SULF1: variants seen among roughly 807,000 people sequenced by gnomAD.
The protein encoded by SULF1 is extracellular sulfatase Sulf-1.
In SULF1, 46 loss-of-function variants were observed where a neutral mutation model predicts 110.5. That is an observed-to-expected ratio of 0.42 (90% CI 0.33 to 0.53). The LOEUF (loss-of-function observed/expected upper bound fraction) is 0.53. Among genes scored for constraint, SULF1 ranks in the 20% least tolerant of loss-of-function variants. The pLI is 0.12. For synonymous variants in SULF1, 371 were observed against 387.1 expected, an observed-to-expected ratio of 0.96 and a Z score of 0.49; for missense variants, 941 against 1,094.2, an observed-to-expected ratio of 0.86 and a Z score of 1.98.
chr8:69,604,962 C>A (rs1488332398), intron 13 of SULF1, 30 bp downstream of exon 13: 4 of 1,607,300 alleles, frequency 2.5e-6, no homozygotes. Flanking sequence ...TTTACCACCA[C>A]TCATGTGCTT....
chr8:69,496,765 T>A (rs998778992), intron 2 of SULF1, among the ~76,000 whole-genome samples: 2 of 152,226 alleles, frequency 1.3e-5, no homozygotes, highest in African/African-American at 4.8e-5. Flanking sequence ...ACATAATGAT[T>A]TACTCCCAAC....
At chr8:69,601,877 G>A in intron 10 of SULF1, 48 bp downstream of exon 10, 1 of 1,527,754 alleles carries the variant, frequency 6.5e-7, no homozygotes, top group South Asian at 1.3e-5. Flanking sequence ...CCTCAAGTGT[G>A]TCTAAGATAA....
intron 2 of SULF1, 135 bp from the exon 3 acceptor site, chr8:69,501,739 C>T (rs1197508854): frequency 1.3e-5 from 2 of 152,152 alleles, no homozygotes; most frequent in Non-Finnish European, 2.9e-5. Context: ...GTAAGAAAAT[C>T]GGTCTGGATG....
chr8:69,535,763 G>T (rs770429533), intron 3 of SULF1, among the ~76,000 whole-genome samples: 3 of 152,102 alleles, frequency 2.0e-5, no homozygotes, highest in Non-Finnish European at 2.9e-5. Context: ...CGGGTGAGAT[G>T]GTTCACGCCT....
chr8:69,500,194 A>T (rs966711427), intron 2 of SULF1, among the ~76,000 whole-genome samples: 1 of 152,240 alleles, frequency 6.6e-6, no homozygotes, highest in African/African-American at 2.4e-5. Flanking sequence ...AAAAAAAATC[A>T]GTCCAAGTAA....
At chr8:69,592,704 A>G (rs952680273) in intron 8 of SULF1, among the ~76,000 whole-genome samples, 1 of 152,256 alleles carries the variant, frequency 6.6e-6, no homozygotes, top group Non-Finnish European at 1.5e-5. Context: ...GCCACTTCAT[A>G]AGTGTCAATT....
chr8:69,526,444 A>AAT (rs1812667765), intron 3 of SULF1, among the ~76,000 whole-genome samples: 1 of 152,034 alleles, frequency 6.6e-6, no homozygotes, highest in Non-Finnish European at 1.5e-5. Context: ...CTTCCATTTC[A>AAT]AAATATTTGT....
At chr8:69,584,867 T>C (rs140806720) in intron 6 of SULF1, among the ~76,000 whole-genome samples, 1 of 152,286 alleles carries the variant, frequency 6.6e-6, no homozygotes, top group Non-Finnish European at 1.5e-5. Context: ...TAAATACCTA[T>C]CCCATAGAGA....
chr8:69,578,109 C>A (rs955439296), intron 6 of SULF1, among the ~76,000 whole-genome samples: 4 of 152,080 alleles, frequency 2.6e-5, no homozygotes, highest in African/African-American at 9.7e-5. Context: ...GAAACACCAT[C>A]CATTGTAAAG....
chr8:69,538,468 C>T (rs1010418143), intron 3 of SULF1, among the ~76,000 whole-genome samples: 1 of 152,082 alleles, frequency 6.6e-6, no homozygotes, highest in Admixed American at 6.5e-5. Context: ...TCTGGAGATA[C>T]CAGCCTCCAG....
At chr8:69,622,464 G>C (rs139539251) in intron 14 of SULF1, among the ~76,000 whole-genome samples, 3,384 of 151,966 alleles carry the variant, frequency 0.022, 146 homozygotes, top group African/African-American at 0.077. Context: ...CGCCTGTAAT[G>C]CCAGCTACTT....
At chr8:69,626,342 T>G (rs531336469) in intron 15 of SULF1, among the ~76,000 whole-genome samples, 4 of 152,334 alleles carry the variant, frequency 2.6e-5, no homozygotes, top group South Asian at 2.1e-4. Context: ...CACAGGATGC[T>G]GATTGGTGTG....
intron 3 of SULF1, among the ~76,000 whole-genome samples, chr8:69,543,214 G>A (rs1813981936): frequency 6.6e-6 from 1 of 152,040 alleles, no homozygotes; most frequent in African/African-American, 2.4e-5. Context: ...TGTTGTTGTT[G>A]TTGTTGTTTA....
At chr8:69,604,159 C>T (rs1253376264) in intron 12 of SULF1, among the ~76,000 whole-genome samples, 5 of 152,096 alleles carry the variant, frequency 3.3e-5, no homozygotes, top group African/African-American at 1.2e-4. Context: ...ACTCCACATC[C>T]CCCAAAAAGA....
chr8:69,551,791 G>A (rs1350798647), intron 3 of SULF1, among the ~76,000 whole-genome samples: 1 of 152,128 alleles, frequency 6.6e-6, no homozygotes, highest in Non-Finnish European at 1.5e-5. Flanking sequence ...CTGGGAACTT[G>A]CTAGAAATGC....
Position 69,586,494 on chromosome 8 carries a change from T to C in SULF1, c.550T>C (p.Phe184Leu). 6.2e-7 allele frequency: 1 copy of C among 1,610,246 alleles called. No homozygotes were observed. Among genetic ancestry groups the C allele is most frequent in the Admixed American group, 1.7e-5 (1 of 59,296 alleles). Reference protein sequence around the residue: ...CRNGIKEKHGFDYAKDYFTDL... With the variant: ...CRNGIKEKHGLDYAKDYFTDL... ...CAATGGCATCAAAGAAAAGCATGGA[T>C]TTGATTATGCAAAGGTAATTTTCAG... The change falls in exon 7 of 23, where the codon TTT (phenylalanine) becomes CTT (leucine). Residue 184 changes from phenylalanine to leucine, a missense_variant. Phe to Leu is a conservative substitution (Grantham distance 22). Coordinates refer to ENST00000402687, the MANE Select transcript of SULF1 (RefSeq NM_001128205.2).
At chr8:69,500,257 A>G (rs1008924646) in intron 2 of SULF1, among the ~76,000 whole-genome samples, 1 of 152,178 alleles carries the variant, frequency 6.6e-6, no homozygotes, top group Non-Finnish European at 1.5e-5. Context: ...TCGTCTTGCA[A>G]GTTTTTCACA....
chr8:69,498,164 C>T (rs1586229408), intron 2 of SULF1, among the ~76,000 whole-genome samples: 1 of 151,666 alleles, frequency 6.6e-6, no homozygotes, highest in Admixed American at 6.6e-5. Flanking sequence ...AGCACACACA[C>T]ATCAGAGCTG....
At chr8:69,540,315 C>A (rs1813772460) in intron 3 of SULF1, among the ~76,000 whole-genome samples, 1 of 152,170 alleles carries the variant, frequency 6.6e-6, no homozygotes, top group African/African-American at 2.4e-5. Flanking sequence ...AAATAGAGAA[C>A]AAAATACTAG....
Sources: gnomAD v4.1 joint callset for allele counts (sites outside exome capture counted in the v4.1 genomes callset) on GRCh38, gnomAD v4.1.1 for gene constraint, MANE v1.5 for transcripts, NCBI Gene and HGNC (gene_info 2026-07-23, HGNC 2026-07-21) for gene names.